The following DYSF variants were observed in gnomAD, a reference collection of about 807,000 sequenced individuals.
The protein encoded by DYSF is dysferlin.
A neutral mutation model predicts 274.9 loss-of-function variants in DYSF; 212 were observed. The observed-to-expected ratio is 0.77, with a 90% confidence interval of 0.69 to 0.86. The LOEUF is 0.86. Ranked by LOEUF, DYSF falls within the 40% of genes least tolerant of loss-of-function variation. DYSF has a pLI of 0.00. For missense variants in DYSF, 2,666 were observed against 2,783.2 expected (o/e 0.96, Z 0.95); for synonymous variants, 1,091 against 1,078.7 (o/e 1.01, Z -0.22).
chr2:71,669,530 C>T (rs1365910607), intron 50 of DYSF, 75 bp from the exon 51 acceptor site: 2 of 1,579,214 alleles, frequency 1.3e-6, no homozygotes, highest in Non-Finnish European at 1.7e-6. Flanking sequence ...AACTCCTTGT[C>T]TGCCTAAGTT....
chr2:71,511,699 T>TTTGC (rs2152728364), intron 4 of DYSF, 108 bp from the exon 5 acceptor site: 2 of 789,080 alleles, frequency 2.5e-6, no homozygotes, highest in Non-Finnish European at 4.3e-6. Context: ...CTGGCTCTTG[T>TTTGC]CAGAGCCATA....
chr2:71,499,444 A>G (rs530876786), intron 3 of DYSF, among the ~76,000 whole-genome samples: 4 of 152,208 alleles, frequency 2.6e-5, no homozygotes, highest in African/African-American at 9.7e-5. Context: ...ATAAGACCCA[A>G]TGTTTTAAAA....
intron 45 of DYSF, among the ~76,000 whole-genome samples, chr2:71,662,506 A>G (rs988953123): frequency 3.4e-5 from 5 of 146,510 alleles, no homozygotes; most frequent in African/African-American, 1.3e-4. Flanking sequence ...ATGTGTGTGT[A>G]TATGTGTATG....
chr2:71,591,264 TC>T lies in DYSF; in HGVS notation c.3574+980del, dbSNP rs1358537649. ...GACCCAGCCCAGATGCCCTCTGACT[TC>T]CCCAAGCCAAGCTGTTTGCTCCTTC... On this transcript the variant is annotated intron_variant, in intron 32 of 55. Coordinates refer to ENST00000410020, the MANE Select transcript of DYSF (RefSeq NM_001130987.2). 2.6e-5 allele frequency among the ~76,000 whole-genome samples: 4 copies of T among 152,180 alleles called. No individual in the cohort carries two copies. The East Asian group carries it at 7.7e-4, about 29-fold the overall frequency.
chr2:71,602,592 C>T (rs1300107782), intron 35 of DYSF, 184 bp from the exon 36 acceptor site: 2 of 610,862 alleles, frequency 3.3e-6, no homozygotes, highest in African/African-American at 1.8e-5. Context: ...AGGGGCGTGG[C>T]TGGGAAGTGC....
In DYSF at chr2:71,613,323, C is replaced by T. The variant is rs1237172347; in HGVS notation, c.4388-11C>T. The T allele has an allele frequency of 4.3e-6, 7 of 1,610,556 alleles. No individual in the cohort carries two copies. The Admixed American group carries it at 1.2e-4, about 27-fold the overall frequency. The stretch of plus-strand genomic sequence containing the variant: ...GCCCCTCTCAGGCCTGGATGGCTCC[C>T]TCCCCTGCAGACGATGTGAGCCTAC... On this transcript the variant is annotated splice_polypyrimidine_tract_variant and intron_variant, in intron 39 of 55. Coordinates refer to ENST00000410020, the MANE Select transcript of DYSF (RefSeq NM_001130987.2).
chr2:71,598,834 A>G (rs2093471010), intron 33 of DYSF, 89 bp downstream of exon 33: 3 of 1,487,824 alleles, frequency 2.0e-6, no homozygotes, highest in Admixed American at 3.6e-5. Context: ...CTGCCCAGCC[A>G]GATGGGTGCT....
chr2:71,630,953 C>G (rs1028286769), intron 41 of DYSF, among the ~76,000 whole-genome samples: 3 of 152,216 alleles, frequency 2.0e-5, no homozygotes, highest in African/African-American at 7.2e-5. Context: ...AGGCATTCTT[C>G]CCTGTTGAGG....
In DYSF at chr2:71,608,560, G is replaced by C. The variant is rs554628000; in HGVS notation, c.3958-2685G>C. ...TGTCTCTTCCTTCTGCCTCCGCTGG[G>C]CCCGACGCTCCGCAGCTGTGTGCTC... On this transcript the variant is annotated intron_variant, in intron 36 of 55. Transcript: ENST00000410020. Among the ~76,000 whole-genome samples the C allele has an allele frequency of 2.8e-4, 42 of 152,216 alleles. No individual in the cohort carries two copies. In the South Asian group the frequency reaches 8.7e-3, roughly 32 times the overall value.
At position 71,564,226 on chromosome 2, in the gene DYSF, T is replaced by G. The variant is rs1440327857; in HGVS notation, c.2565+13T>G. The G allele has an allele frequency of 6.2e-7, 1 of 1,614,246 alleles. No individual in the cohort carries two copies. The highest frequency in any genetic ancestry group is 1.1e-5 in the South Asian group (1 of 91,088). ...AATCTTTCTGAAAGTGAGTTTTCTT[T>G]TTTCCCAAGTCATGATCGTATTTTT... On this transcript the variant is annotated intron_variant, in intron 24 of 55. Transcript: ENST00000410020.
intron 22 of DYSF, among the ~76,000 whole-genome samples, chr2:71,558,051 G>T (rs185761909): frequency 5.9e-5 from 9 of 151,894 alleles, no homozygotes; most frequent in Non-Finnish European, 1.0e-4. Flanking sequence ...AAAAGTAAAT[G>T]ACCCTCGTTT....
At chr2:71,575,902 C>T (rs77127531) in intron 30 of DYSF, among the ~76,000 whole-genome samples, 5,366 of 152,296 alleles carry the variant, frequency 0.035, 337 homozygotes, top group African/African-American at 0.12. Context: ...TTGTCTCACA[C>T]GGGCTCTCTC....
chr2:71,607,651 G>T, intron 36 of DYSF, among the ~76,000 whole-genome samples: 1 of 152,276 alleles, frequency 6.6e-6, no homozygotes, highest in South Asian at 2.1e-4. Context: ...GGAGATGGGT[G>T]GGCGGGCGTG....
At chr2:71,553,754 C>CCCCCCCCCCCCCCCAACAGGG in intron 20 of DYSF, 53 bp from the exon 21 acceptor site, 1 of 538,758 alleles carries the variant, frequency 1.9e-6, no homozygotes, top group Non-Finnish European at 3.4e-6. Flanking sequence ...AGCACCCCAT[C>CCCCCCCCCCCCCCCAACAGGG]CCACCCGCCC....
chr2:71,527,086 TC>T (rs1273271276), intron 13 of DYSF, among the ~76,000 whole-genome samples: 10 of 152,314 alleles, frequency 6.6e-5, no homozygotes, highest in African/African-American at 2.2e-4. Context: ...ATAGTAGAAT[TC>T]CCTGGGAAGA....
rs1417450999 is a variant in DYSF at position 71,570,340 on chromosome 2, C to T, written c.3085+6C>T. Reference sequence around the variant, plus strand: ...CCGGGCTGTCGATGAGCAAGGTGGGCAGCATGTGGAACCTGGCGAGCCCCA... The same window carrying T: ...CCGGGCTGTCGATGAGCAAGGTGGGTAGCATGTGGAACCTGGCGAGCCCCA... On this transcript the variant is annotated splice_donor_region_variant and intron_variant, in intron 28 of 55. Transcript: ENST00000410020. 6.2e-7 allele frequency: 1 copy of T among 1,613,582 alleles called. No individual in the cohort carries two copies. The highest frequency in any genetic ancestry group is 1.7e-5 in the Admixed American group (1 of 60,014).
intron 3 of DYSF, among the ~76,000 whole-genome samples, chr2:71,493,442 G>C (rs2084057304): frequency 6.6e-6 from 1 of 152,086 alleles, no homozygotes; most frequent in Admixed American, 6.6e-5. Context: ...TTCCTCATTT[G>C]GGATGTCAGC....
intron 4 of DYSF, among the ~76,000 whole-genome samples, chr2:71,504,996 A>T (rs2085344172): frequency 6.6e-6 from 1 of 152,050 alleles, no homozygotes; most frequent in Non-Finnish European, 1.5e-5. Flanking sequence ...CTCCAAAAAG[A>T]GTGTGTGAGA....
At chr2:71,560,745 A>C (rs2091689326) in intron 22 of DYSF, among the ~76,000 whole-genome samples, 1 of 152,044 alleles carries the variant, frequency 6.6e-6, no homozygotes, top group African/African-American at 2.4e-5. Flanking sequence ...AAAATAAATC[A>C]GCCGGGAGCC....
Sources: allele counts gnomAD v4.1 joint callset (sites outside exome capture counted in the v4.1 genomes callset), GRCh38; gene constraint gnomAD v4.1.1; transcripts MANE v1.5; gene names NCBI Gene and HGNC (gene_info 2026-07-23, HGNC 2026-07-21).